Variants in SCN2A observed in about 807,000 individuals in gnomAD.
The protein encoded by SCN2A is sodium voltage-gated channel alpha subunit 2.
SCN2A carries 20 observed loss-of-function variants against 188.7 expected under a neutral mutation model. The observed-to-expected ratio is 0.11, with a 90% CI of 0.07 to 0.15. The LOEUF (loss-of-function observed/expected upper bound fraction) is 0.15, where lower values mean the gene tolerates loss of function less well. SCN2A is among the 10% of genes least tolerant of loss of function. The probability of loss-of-function intolerance (pLI) is 1.00; values close to 1 mark genes in which losing one functional copy is unlikely to be tolerated. For missense variants in SCN2A, 1,278 were observed against 2,445.0 expected (o/e 0.52, Z 10.07); for synonymous variants, 804 against 833.1 (o/e 0.97, Z 0.60).
intron 26 of SCN2A, 93 bp downstream of exon 26, chr2:165,387,109 T>C: frequency 7.7e-7 from 1 of 1,294,740 alleles, no homozygotes; most frequent in South Asian, 1.2e-5. Flanking sequence ...TCTTTCTCAT[T>C]CATCCCAAAC....
In SCN2A at chr2:165,342,283, A is replaced by C. The variant is rs1574636415; in HGVS notation, c.2389-13A>C. ...AGTATTTGCTCATATAATGAACTAC[A>C]CTTCTCATTTAGGTCTTCACAGGGA... On this transcript the variant is annotated splice_polypyrimidine_tract_variant and intron_variant, in intron 14 of 26. Transcript: ENST00000375437. The C allele has an allele frequency of 3.1e-6, 5 of 1,610,890 alleles. No individual in the cohort carries two copies. The East Asian group carries it at 8.9e-5, about 29-fold the overall frequency.
intron 25 of SCN2A, among the ~76,000 whole-genome samples, chr2:165,383,409 T>C (rs1558881610): frequency 6.6e-6 from 1 of 152,110 alleles, no homozygotes; most frequent in Admixed American, 6.6e-5. Flanking sequence ...CTGGTGAGAC[T>C]GGAGTGCAGA....
chr2:165,250,095 T>C (rs1159992962), intron 1 of SCN2A, among the ~76,000 whole-genome samples: 4 of 152,060 alleles, frequency 2.6e-5, no homozygotes, highest in Non-Finnish European at 5.9e-5. Flanking sequence ...GCCAGATATA[T>C]GTGGACCTGG....
At chr2:165,341,401 T>G (rs1463704964) in intron 14 of SCN2A, among the ~76,000 whole-genome samples, 1 of 152,052 alleles carries the variant, frequency 6.6e-6, no homozygotes, top group Non-Finnish European at 1.5e-5. Context: ...CCCACAGTGG[T>G]GATATTTTTA....
intron 1 of SCN2A, among the ~76,000 whole-genome samples, chr2:165,276,469 C>A (rs1695349176): frequency 6.6e-6 from 1 of 152,124 alleles, no homozygotes; most frequent in African/African-American, 2.4e-5. Flanking sequence ...ATGAGCCCAA[C>A]AAAGACAAAT....
chr2:165,274,992 T>C (rs1196168321), intron 1 of SCN2A, among the ~76,000 whole-genome samples: 1 of 152,194 alleles, frequency 6.6e-6, no homozygotes, highest in Non-Finnish European at 1.5e-5. Flanking sequence ...ATGTCACAGG[T>C]GTCACTGGTG....
intron 25 of SCN2A, among the ~76,000 whole-genome samples, chr2:165,381,953 C>T (rs1238331653): frequency 3.3e-5 from 5 of 152,006 alleles, no homozygotes; most frequent in Admixed American, 3.3e-4. Context: ...CTCTATAAAT[C>T]TATTGGTGAC....
intron 17 of SCN2A, among the ~76,000 whole-genome samples, chr2:165,359,261 G>A (rs1261368067): frequency 6.6e-6 from 1 of 152,096 alleles, no homozygotes; most frequent in Non-Finnish European, 1.5e-5. Flanking sequence ...AGGGACTACA[G>A]ATAATTACTT....
At position 165,323,143 on chromosome 2, in the gene SCN2A, T is replaced by C. The variant is rs1168838956; in HGVS notation, c.1672-13T>C. 17 of 1,612,312 alleles carry C rather than the reference T, an allele frequency of 1.1e-5. No homozygotes were observed. The highest frequency in any genetic ancestry group is 1.4e-5 in the Non-Finnish European group (17 of 1,178,636). On this transcript the variant is annotated splice_polypyrimidine_tract_variant and intron_variant, in intron 11 of 26. Transcript: ENST00000375437. The stretch of plus-strand genomic sequence containing the variant: ...CTTCATCTCATTTTTGTTTCTTCTC[T>C]TGTTATTCATAGTCCTTACTGAGCA...
Position 165,388,979 on chromosome 2 carries a change from A to T in SCN2A, c.5173A>T (p.Asn1725Tyr), listed in dbSNP as rs1558885965. ...GGATGGATTGCTAGCACCTATTCTT[A>T]ATAGTGGACCTCCAGACTGTGACCC... ...GWDGLLAPIL[N>Y]SGPPDCDPDK... Residue 1725 changes from asparagine to tyrosine, a missense_variant, in exon 27 of 27, where the codon AAT becomes TAT. Physicochemically the swap from Asn to Tyr is moderately radical, Grantham distance 143. Coordinates refer to ENST00000375437, the MANE Select transcript of SCN2A (RefSeq NM_001040142.2). 1 of 1,614,044 alleles carries T rather than the reference A, an allele frequency of 6.2e-7. No homozygotes were observed. Among genetic ancestry groups the T allele is most frequent in the Non-Finnish European group, 8.5e-7 (1 of 1,179,982 alleles).
Position 165,391,008 on chromosome 2 carries a change from A to C in SCN2A, c.*1184A>C, listed in dbSNP as rs1702102426. On this transcript the variant is annotated 3_prime_UTR_variant, in exon 27 of 27. Transcript: ENST00000375437. ...CTACTTATTGCATCAAATATGTACC[A>C]CAGTAAGTATAGTTTGCAAGCTTTC... 6.6e-6 allele frequency: 1 copy of C among 152,612 alleles called. No individual in the cohort carries two copies. The highest frequency in any genetic ancestry group is 1.9e-4 in the East Asian group (1 of 5,198). 9.5% of individuals were successfully genotyped at this position (152,612 alleles called of 1,614,324 possible).
chr2:165,266,229 C>T (rs2106096523), intron 1 of SCN2A, among the ~76,000 whole-genome samples: 1 of 152,060 alleles, frequency 6.6e-6, no homozygotes, highest in East Asian at 1.9e-4. Context: ...TCATGAAATA[C>T]TCAGAAGTAT....
rs117371182 is a variant in SCN2A at position 165,373,692 on chromosome 2, A to G, written c.3972+345A>G. Among the ~76,000 whole-genome samples, 590 of 152,260 alleles carry G rather than the reference A, an allele frequency of 3.9e-3. 6 individuals are homozygous for G. The East Asian group carries it at 0.049, about 13-fold the overall frequency. On this transcript the variant is annotated intron_variant, in intron 21 of 26. Transcript: ENST00000375437. ...CGCTGTAGTTTAAGCCTACCAAATC[A>G]TTGCTCATCATTTCTTCACTACTCC... is the stretch of plus-strand genomic sequence containing the variant.
intron 23 of SCN2A, among the ~76,000 whole-genome samples, chr2:165,380,175 T>A (rs1701526581): frequency 6.6e-6 from 1 of 151,892 alleles, no homozygotes; most frequent in African/African-American, 2.4e-5. Flanking sequence ...TTAAGTTTGA[T>A]TATTTTCATC....
chr2:165,338,977 T>C (rs1699160856), intron 14 of SCN2A, among the ~76,000 whole-genome samples: 1 of 152,140 alleles, frequency 6.6e-6, no homozygotes, highest in South Asian at 2.1e-4. Flanking sequence ...TCCCAGCACT[T>C]TGTGAGGCTG....
chr2:165,279,826 G>A (rs1215826785), intron 1 of SCN2A, among the ~76,000 whole-genome samples: 2 of 152,100 alleles, frequency 1.3e-5, no homozygotes, highest in African/African-American at 2.4e-5. Context: ...GAATTCCCAC[G>A]TGTTGTGAGA....
chr2:165,306,655 A>G (rs1405249763), intron 3 of SCN2A, among the ~76,000 whole-genome samples: 1 of 151,976 alleles, frequency 6.6e-6, no homozygotes, highest in East Asian at 1.9e-4. Context: ...GCCTTACAGC[A>G]CAGCTACTAA....
In SCN2A at chr2:165,386,562, G is replaced by T. The variant is rs74798083; in HGVS notation, c.4552-184G>T. Among the ~76,000 whole-genome samples the T allele has an allele frequency of 1.3e-3, 203 of 151,966 alleles. 2 individuals carry two copies. The East Asian group carries it at 0.036, about 27-fold the overall frequency. On this transcript the variant is annotated intron_variant, in intron 25 of 26. Coordinates refer to ENST00000375437, the MANE Select transcript of SCN2A (RefSeq NM_001040142.2). ...CTACTTACCTGCTTTGTGACCTAAG[G>T]CAAGTTACCTCAGCTCTCCAATCAC...
At chr2:165,307,821 A>C (rs576596470) in intron 3 of SCN2A, 27 bp from the exon 4 acceptor site, 2 of 1,506,240 alleles carry the variant, frequency 1.3e-6, no homozygotes, top group South Asian at 1.1e-5. Flanking sequence ...TTTCCATTGA[A>C]CTTTGTCTTC....
Sources: allele counts gnomAD v4.1 joint callset (sites outside exome capture counted in the v4.1 genomes callset), GRCh38; gene constraint gnomAD v4.1.1; transcripts MANE v1.5; gene names NCBI Gene and HGNC (gene_info 2026-07-23, HGNC 2026-07-21).